DPP6: variants seen among roughly 807,000 people sequenced by gnomAD.
The protein encoded by DPP6 is A-type potassium channel modulatory protein DPP6.
A neutral mutation model predicts 122.6 loss-of-function variants in DPP6; 69 were observed. The ratio of observed to expected loss-of-function variants is 0.56; its 90% CI spans 0.46 to 0.69. DPP6 has a LOEUF of 0.69. Ranked by LOEUF, DPP6 falls within the 30% of genes least tolerant of loss-of-function variation. DPP6 has a pLI of 0.00. For synonymous variants in DPP6, 418 were observed against 433.1 expected, an observed-to-expected ratio of 0.97 and a Z score of 0.43; for missense variants, 928 against 1,116.9, an observed-to-expected ratio of 0.83 and a Z score of 2.41.
chr7:154,319,843 T>C (rs1474764249), intron 1 of DPP6, among the ~76,000 whole-genome samples: 7 of 150,678 alleles, frequency 4.6e-5, no homozygotes, highest in Non-Finnish European at 1.0e-4. Context: ...ATACAAAAAT[T>C]AGCTGGGCAT....
chr7:154,841,173 G>A (rs1801498525), intron 16 of DPP6, among the ~76,000 whole-genome samples: 1 of 152,190 alleles, frequency 6.6e-6, no homozygotes, highest in Non-Finnish European at 1.5e-5. Context: ...GCTGCGAGAA[G>A]TATGCTGAGA....
intron 12 of DPP6, 27 bp downstream of exon 12, chr7:154,795,910 C>A: frequency 6.2e-7 from 1 of 1,603,806 alleles, no homozygotes; most frequent in Non-Finnish European, 8.5e-7. Flanking sequence ...CGGGTCCCCA[C>A]TGTCACCTCC....
chr7:154,050,883 G>A (rs1465080188), upstream of DPP6, among the ~76,000 whole-genome samples: 1 of 146,994 alleles, frequency 6.8e-6, no homozygotes, highest in East Asian at 2.0e-4. Context: ...ACAAATTTTG[G>A]TTAAACCAAA....
chr7:154,271,895 C>G (rs2150934775), intron 1 of DPP6, among the ~76,000 whole-genome samples: 1 of 152,248 alleles, frequency 6.6e-6, no homozygotes, highest in East Asian at 1.9e-4. Context: ...GGTTTCCTGC[C>G]TTACAGGAAG....
intron 5 of DPP6, among the ~76,000 whole-genome samples, chr7:154,580,527 G>A (rs973991275): frequency 2.6e-5 from 4 of 152,128 alleles, no homozygotes; most frequent in African/African-American, 9.7e-5. Context: ...CAGCGCTGCC[G>A]TTAGAGCCTG....
intron 1 of DPP6, among the ~76,000 whole-genome samples, chr7:154,063,277 A>AGT (rs1802319191): frequency 2.4e-5 from 3 of 126,822 alleles, no homozygotes; most frequent in East Asian, 2.5e-4. Context: ...CCCCCATCGC[A>AGT]GAGGGGGGAG....
chr7:154,564,670 G>A (rs1254071704), intron 4 of DPP6, among the ~76,000 whole-genome samples: 1 of 152,166 alleles, frequency 6.6e-6, no homozygotes, highest in Non-Finnish European at 1.5e-5. Flanking sequence ...TATAGAAAGA[G>A]CTCACTAGAA....
At chr7:154,288,030 C>T (rs1225835608) in intron 1 of DPP6, among the ~76,000 whole-genome samples, 2 of 152,182 alleles carry the variant, frequency 1.3e-5, no homozygotes, top group Admixed American at 6.5e-5. Context: ...ATATGTGTCC[C>T]CCTACCGAGG....
chr7:154,127,597 TCACA>T (rs71182879), intron 1 of DPP6, among the ~76,000 whole-genome samples: 5,492 of 136,544 alleles, frequency 0.04, 180 homozygotes, highest in African/African-American at 0.11. Flanking sequence ...GAGCAGCATC[TCACA>T]CACACACACA....
At chr7:154,432,418 G>A (rs897097955) in intron 1 of DPP6, among the ~76,000 whole-genome samples, 4 of 152,156 alleles carry the variant, frequency 2.6e-5, no homozygotes, top group Non-Finnish European at 5.9e-5. Flanking sequence ...GAGATCTGTT[G>A]CTTGATACAT....
chr7:154,258,989 A>G (rs1020542827), intron 1 of DPP6, among the ~76,000 whole-genome samples: 5 of 136,990 alleles, frequency 3.6e-5, no homozygotes, highest in Non-Finnish European at 8.5e-5. Flanking sequence ...TGAAAAGGCT[A>G]TAGTTGTGAG....
intron 3 of DPP6, among the ~76,000 whole-genome samples, chr7:154,480,572 T>G (rs984043173): frequency 6.6e-6 from 1 of 152,144 alleles, no homozygotes; most frequent in African/African-American, 2.4e-5. Context: ...CTCCCTGACG[T>G]TTAATATTGC....
chr7:154,150,420 G>T (rs1229307507), intron 1 of DPP6, among the ~76,000 whole-genome samples: 1 of 152,162 alleles, frequency 6.6e-6, no homozygotes, highest in African/African-American at 2.4e-5. Flanking sequence ...CCAGGGCTCC[G>T]TGGAGACATG....
intron 1 of DPP6, among the ~76,000 whole-genome samples, chr7:154,105,502 G>A (rs1346338486): frequency 6.6e-6 from 1 of 152,158 alleles, no homozygotes; most frequent in Non-Finnish European, 1.5e-5. Flanking sequence ...GAGGTCCTTT[G>A]AACTCACAGT....
At chr7:154,559,054 T>C (rs1034603381) in intron 4 of DPP6, among the ~76,000 whole-genome samples, 1 of 151,474 alleles carries the variant, frequency 6.6e-6, no homozygotes, top group Non-Finnish European at 1.5e-5. Context: ...GAAATATCAG[T>C]TGATAGAAAC....
intron 7 of DPP6, among the ~76,000 whole-genome samples, chr7:154,717,438 C>G (rs1349253306): frequency 7.1e-6 from 1 of 140,494 alleles, no homozygotes; most frequent in Admixed American, 7.2e-5. Context: ...CCGTTCTACT[C>G]TCTACTTCTA....
At chr7:154,435,401 C>A (rs1160993747) in intron 1 of DPP6, among the ~76,000 whole-genome samples, 2 of 152,286 alleles carry the variant, frequency 1.3e-5, no homozygotes, top group South Asian at 4.1e-4. Context: ...ATGACCTCAT[C>A]GGATCCTCTT....
chr7:153,767,369 T>C, the DPP6 span, among the ~76,000 whole-genome samples: 1 of 152,024 alleles, frequency 6.6e-6, no homozygotes, highest in Non-Finnish European at 1.5e-5. Context: ...AGTGAGAAAC[T>C]TTTTGTTGTT....
At chr7:154,389,071 C>T (rs778390593) in intron 1 of DPP6, among the ~76,000 whole-genome samples, 7 of 152,108 alleles carry the variant, frequency 4.6e-5, no homozygotes, top group Non-Finnish European at 8.8e-5. Flanking sequence ...GATGGATTAC[C>T]GTCCCCGCAG....
Sources: gnomAD v4.1 joint callset for allele counts (sites outside exome capture counted in the v4.1 genomes callset) on GRCh38, gnomAD v4.1.1 for gene constraint, MANE v1.5 for transcripts, NCBI Gene and HGNC (gene_info 2026-07-23, HGNC 2026-07-21) for gene names.